ANO4: variants seen among roughly 807,000 people sequenced by gnomAD.
ANO4 encodes the protein anoctamin 4.
A neutral mutation model predicts 141.9 loss-of-function variants in ANO4; 69 were observed. That is an observed-to-expected ratio of 0.49 (90% CI 0.40 to 0.59). The LOEUF (loss-of-function observed/expected upper bound fraction) is 0.59, where lower values mean the gene tolerates loss of function less well. Ranked by LOEUF, ANO4 falls within the 20% of genes least tolerant of loss-of-function variation. The probability of loss-of-function intolerance (pLI) is 0.00; values close to 1 mark genes in which losing one functional copy is unlikely to be tolerated. For synonymous variants in ANO4, 350 were observed against 394.3 expected, an observed-to-expected ratio of 0.89 and a Z score of 1.33; for missense variants, 894 against 1,162.2, an observed-to-expected ratio of 0.77 and a Z score of 3.36.
intron 1 of ANO4, among the ~76,000 whole-genome samples, chr12:100,723,862 A>G (rs925062658): frequency 6.6e-5 from 10 of 152,194 alleles, no homozygotes; most frequent in African/African-American, 1.9e-4. Context: ...TCAGCTCACA[A>G]TAAGTAACAA....
intron 5 of ANO4, among the ~76,000 whole-genome samples, chr12:100,949,412 T>C (rs1050415959): frequency 6.6e-6 from 1 of 152,248 alleles, no homozygotes; most frequent in Non-Finnish European, 1.5e-5. Context: ...AGTTAACTTA[T>C]CTGCAAAATG....
chr12:100,912,569 G>A lies in ANO4; in HGVS notation c.56-9657G>A, dbSNP rs145215249. Among the ~76,000 whole-genome samples, 268 of 152,006 alleles carry A rather than the reference G, an allele frequency of 1.8e-3. 1 individual carries two copies. The highest frequency in any genetic ancestry group is 6.1e-3 in the African/African-American group (251 of 41,480). On this transcript the variant is annotated intron_variant, in intron 2 of 27. Transcript: ENST00000392977. ...CAAAAAAACAAAACTTATTATGGGTGTTTTTTCCACGGTGTCAACTTTTTA... is the reference window on the plus strand; with the variant it reads ...CAAAAAAACAAAACTTATTATGGGTATTTTTTCCACGGTGTCAACTTTTTA...
At chr12:101,119,147 A>G (rs7958393) in intron 25 of ANO4, among the ~76,000 whole-genome samples, 70,258 of 151,736 alleles carry the variant, frequency 0.46, 18,797 homozygotes, top group African/African-American at 0.75. Flanking sequence ...AAAGCTTTCC[A>G]TGGTTAGGGA....
intron 3 of ANO4, among the ~76,000 whole-genome samples, chr12:100,765,668 G>A (rs1338877600): frequency 6.8e-6 from 1 of 146,704 alleles, no homozygotes; most frequent in Non-Finnish European, 1.5e-5. Context: ...GAGCTACCAC[G>A]CCTGGCCTTT....
At chr12:101,066,026 A>G (rs998650466) in intron 14 of ANO4, among the ~76,000 whole-genome samples, 1 of 152,254 alleles carries the variant, frequency 6.6e-6, no homozygotes, top group Non-Finnish European at 1.5e-5. Context: ...GATCATTTCA[A>G]TTGATGACAA....
At chr12:101,079,099 A>G in intron 14 of ANO4, 94 bp from the exon 15 acceptor site, 1 of 1,072,328 alleles carries the variant, frequency 9.3e-7, no homozygotes, top group Non-Finnish European at 1.4e-6. Flanking sequence ...AACAACTGTC[A>G]TTCTTGGCAA....
At chr12:100,745,975 G>A (rs897215620) in intron 3 of ANO4, among the ~76,000 whole-genome samples, 3 of 152,212 alleles carry the variant, frequency 2.0e-5, no homozygotes, top group Non-Finnish European at 4.4e-5. Flanking sequence ...AATGATAGAG[G>A]CTGGAAAACA....
intron 5 of ANO4, among the ~76,000 whole-genome samples, chr12:100,950,637 A>G (rs1366868031): frequency 6.6e-6 from 1 of 152,220 alleles, no homozygotes. Flanking sequence ...TCAGCTGGAC[A>G]CTACCTTCAG....
chr12:100,803,366 GATAAATGTCAGTGAATA>G (rs1418821343), intron 1 of ANO4, among the ~76,000 whole-genome samples: 1 of 152,196 alleles, frequency 6.6e-6, no homozygotes, highest in Non-Finnish European at 1.5e-5. Context: ...AAACCAGTGA[GATAAATGTCAGTGAATA>G]AACAACATTT....
At chr12:101,022,771 G>A (rs1040511317) in intron 9 of ANO4, among the ~76,000 whole-genome samples, 7 of 151,882 alleles carry the variant, frequency 4.6e-5, no homozygotes, top group South Asian at 4.2e-4. Context: ...ACGGAGTCTC[G>A]GACTGTCACC....
At chr12:101,024,015 A>G (rs1042772714) in intron 9 of ANO4, among the ~76,000 whole-genome samples, 1 of 152,182 alleles carries the variant, frequency 6.6e-6, no homozygotes, top group Non-Finnish European at 1.5e-5. Context: ...ATTCATAAGG[A>G]TATTTTAGTG....
intron 1 of ANO4, among the ~76,000 whole-genome samples, chr12:100,822,024 T>G (rs2036082881): frequency 6.6e-6 from 1 of 151,946 alleles, no homozygotes; most frequent in African/African-American, 2.4e-5. Flanking sequence ...TTTGGGCATC[T>G]TTAGTGTTCT....
In ANO4 at chr12:100,896,544, C is replaced by T. The variant is rs558739869; in HGVS notation, c.-140-5102C>T. Among the ~76,000 whole-genome samples the T allele has an allele frequency of 3.9e-5, 6 of 152,270 alleles. No homozygotes were observed. In the South Asian group the frequency reaches 6.2e-4, roughly 16 times the overall value. The stretch of plus-strand genomic sequence containing the variant: ...ATACAGCAGTGACACAGAGCCCTGC[C>T]GACACCATGGTGAGAGACACCTGGC... On this transcript the variant is annotated intron_variant, in intron 1 of 27. Coordinates refer to ENST00000392977, the MANE Select transcript of ANO4 (RefSeq NM_001286615.2).
intron 1 of ANO4, among the ~76,000 whole-genome samples, chr12:100,846,016 G>T (rs1050596906): frequency 1.3e-5 from 2 of 152,120 alleles, no homozygotes; most frequent in Non-Finnish European, 2.9e-5. Context: ...CCATACCCTT[G>T]AAACTCTGGG....
Position 100,728,900 on chromosome 12 carries a change from T to C in ANO4, c.23-4874T>C, listed in dbSNP as rs140135794. ...ATATATAATTATAAAATGAATGCCA[T>C]GTAGCCACCACCTCGGTTAAGAAAC... is the stretch of plus-strand genomic sequence containing the variant. On this transcript the variant is annotated intron_variant, in intron 1 of 29. Coordinates refer to the ANO4 transcript ENST00000644049. 8.0e-4 allele frequency among the ~76,000 whole-genome samples: 122 copies of C among 152,210 alleles called. 3 individuals carry two copies. In the East Asian group the frequency reaches 0.019, roughly 24 times the overall value.
At chr12:100,727,408 T>C (rs2031179629) in intron 1 of ANO4, among the ~76,000 whole-genome samples, 1 of 152,238 alleles carries the variant, frequency 6.6e-6, no homozygotes, top group Non-Finnish European at 1.5e-5. Flanking sequence ...CCTGAACCTT[T>C]CATCATTATT....
chr12:100,726,910 C>T (rs1340990101), intron 1 of ANO4, among the ~76,000 whole-genome samples: 1 of 152,014 alleles, frequency 6.6e-6, no homozygotes, highest in African/African-American at 2.4e-5. Context: ...TTTATACACA[C>T]ACACACACAC....
intron 9 of ANO4, among the ~76,000 whole-genome samples, chr12:101,035,843 G>T (rs1194534463): frequency 1.3e-5 from 2 of 152,124 alleles, no homozygotes; most frequent in African/African-American, 4.8e-5. Flanking sequence ...AGACACTGGG[G>T]CCTACTTGAG....
chr12:100,764,874 G>T (rs545672926), intron 3 of ANO4, among the ~76,000 whole-genome samples: 1 of 152,250 alleles, frequency 6.6e-6, no homozygotes, highest in South Asian at 2.1e-4. Context: ...CTGATATTTT[G>T]TTGAGATTTT....
Sources: gnomAD v4.1 joint callset for allele counts (sites outside exome capture counted in the v4.1 genomes callset) on GRCh38, gnomAD v4.1.1 for gene constraint, MANE v1.5 for transcripts, NCBI Gene and HGNC (gene_info 2026-07-23, HGNC 2026-07-21) for gene names.